Variants in UHRF2 observed in about 807,000 individuals in gnomAD.
UHRF2 encodes E3 ubiquitin-protein ligase UHRF2.
Under a neutral mutation model 96.8 loss-of-function variants are expected in UHRF2, and 23 were observed. That is an observed-to-expected ratio of 0.24 (90% CI 0.17 to 0.34). The LOEUF (loss-of-function observed/expected upper bound fraction) is 0.34. UHRF2 is among the 10% of genes least tolerant of loss of function. The pLI is 1.00. For synonymous variants in UHRF2, 385 were observed against 332.6 expected (o/e 1.16, Z -1.72); for missense variants, 685 against 981.5 (o/e 0.70, Z 4.04).
At chr9:6,449,760 A>G (rs185192609) in intron 3 of UHRF2, among the ~76,000 whole-genome samples, 1 of 152,340 alleles carries the variant, frequency 6.6e-6, no homozygotes, top group East Asian at 1.9e-4. Flanking sequence ...GGAGTCTGGA[A>G]TTCTGGTATG....
intron 3 of UHRF2, among the ~76,000 whole-genome samples, chr9:6,436,466 G>T (rs1435019394): frequency 5.3e-5 from 8 of 152,178 alleles, no homozygotes; most frequent in East Asian, 3.8e-4. Flanking sequence ...AGGTAAATAA[G>T]TAGAATGTTT....
intron 2 of UHRF2, chr9:6,422,782 C>A: frequency 7.2e-6 from 3 of 415,820 alleles, no homozygotes; most frequent in Non-Finnish European, 1.3e-5. Context: ...TAACTTAGAT[C>A]TTTGATATCT....
chr9:6,478,640 A>C (rs1226510984), intron 6 of UHRF2, among the ~76,000 whole-genome samples: 1 of 152,202 alleles, frequency 6.6e-6, no homozygotes, highest in Non-Finnish European at 1.5e-5. Flanking sequence ...TTTTTAAACT[A>C]TGTGCCATAT....
chr9:6,458,889 A>G (rs1467087354), intron 3 of UHRF2, among the ~76,000 whole-genome samples: 1 of 152,234 alleles, frequency 6.6e-6, no homozygotes, highest in Non-Finnish European at 1.5e-5. Context: ...ATGCAGCCAT[A>G]AAAAAGGATG....
chr9:6,481,829 A>G (rs1587856695), intron 7 of UHRF2, 63 bp downstream of exon 7: 2 of 1,569,016 alleles, frequency 1.3e-6, no homozygotes, highest in Admixed American at 1.9e-5. Context: ...TTTTAATACC[A>G]ATAGTAGTAA....
chr9:6,445,105 A>G (rs1333360211), intron 3 of UHRF2, among the ~76,000 whole-genome samples: 2 of 147,956 alleles, frequency 1.4e-5, no homozygotes, highest in African/African-American at 5.0e-5. Context: ...AGCTTGGACT[A>G]CATAGCAAAA....
chr9:6,439,453 G>A (rs1447525195), intron 3 of UHRF2, among the ~76,000 whole-genome samples: 1 of 152,204 alleles, frequency 6.6e-6, no homozygotes, highest in Non-Finnish European at 1.5e-5. Flanking sequence ...TTGAATTGTT[G>A]AAGGTTTCTT....
At chr9:6,419,138 G>T (rs914656911) in intron 1 of UHRF2, among the ~76,000 whole-genome samples, 4 of 152,182 alleles carry the variant, frequency 2.6e-5, no homozygotes, top group African/African-American at 9.7e-5. Context: ...ACATTCTGAG[G>T]TACTGGGGGT....
At chr9:6,461,950 T>G (rs1822568018) in intron 4 of UHRF2, among the ~76,000 whole-genome samples, 1 of 152,084 alleles carries the variant, frequency 6.6e-6, no homozygotes, top group Admixed American at 6.6e-5. Context: ...TAGATTTGTT[T>G]TATTGAGTGC....
intron 5 of UHRF2, 119 bp from the exon 6 acceptor site, chr9:6,477,503 G>A (rs545917931): frequency 1.7e-5 from 16 of 939,112 alleles, no homozygotes; most frequent in African/African-American, 1.7e-4. Context: ...TCCAGCCTGG[G>A]TAACAAGAGC....
At chr9:6,431,328 C>T (rs1325480298) in intron 2 of UHRF2, among the ~76,000 whole-genome samples, 3 of 151,614 alleles carry the variant, frequency 2.0e-5, no homozygotes, top group Non-Finnish European at 2.9e-5. Context: ...TTTTTTTTGG[C>T]CAGGCAGGGT....
chr9:6,441,939 C>G (rs1387385520), intron 3 of UHRF2, among the ~76,000 whole-genome samples: 1 of 151,946 alleles, frequency 6.6e-6, no homozygotes, highest in Non-Finnish European at 1.5e-5. Flanking sequence ...CTGTTAAATT[C>G]TTGAGTGGGG....
chr9:6,469,701 C>CATGTAT (rs1823108636), intron 4 of UHRF2, among the ~76,000 whole-genome samples: 1 of 148,572 alleles, frequency 6.7e-6, no homozygotes, highest in African/African-American at 2.5e-5. Context: ...CACGTATATA[C>CATGTAT]ATACATATAC....
chr9:6,470,871 AG>A (rs1414208314), intron 4 of UHRF2, among the ~76,000 whole-genome samples: 3 of 152,246 alleles, frequency 2.0e-5, no homozygotes, highest in Non-Finnish European at 2.9e-5. Context: ...TGTGACTAAA[AG>A]AAGCAGATAA....
intron 2 of UHRF2, among the ~76,000 whole-genome samples, chr9:6,421,343 A>G (rs1436498756): frequency 1.3e-5 from 2 of 152,264 alleles, no homozygotes; most frequent in Non-Finnish European, 2.9e-5. Context: ...TACAGTTTAA[A>G]GAGCAATAAA....
chr9:6,433,787 C>A (rs201964876), intron 2 of UHRF2, 127 bp from the exon 3 acceptor site: 1 of 896,826 alleles, frequency 1.1e-6, no homozygotes, highest in Non-Finnish European at 1.7e-6. Flanking sequence ...TCTTATTAAC[C>A]ACTTTAAACA....
At chr9:6,413,717 G>A in intron 1 of UHRF2, 74 bp downstream of exon 1, 2 of 1,370,952 alleles carry the variant, frequency 1.5e-6, no homozygotes, top group Non-Finnish European at 9.4e-7. Context: ...GCACCGGTCC[G>A]AGGGCTCTGT....
chr9:6,433,182 T>G (rs931063098), intron 2 of UHRF2, among the ~76,000 whole-genome samples: 2 of 152,208 alleles, frequency 1.3e-5, no homozygotes, highest in South Asian at 4.1e-4. Flanking sequence ...TTTTAAACCT[T>G]TCATTTCATA....
At chr9:6,471,633 C>T (rs1563784883) in intron 4 of UHRF2, among the ~76,000 whole-genome samples, 1 of 152,178 alleles carries the variant, frequency 6.6e-6, no homozygotes, top group Non-Finnish European at 1.5e-5. Context: ...TGAGACTGCA[C>T]CCCTGACCAA....
Sources: allele counts gnomAD v4.1 joint callset (sites outside exome capture counted in the v4.1 genomes callset), GRCh38; gene constraint gnomAD v4.1.1; transcripts MANE v1.5; gene names NCBI Gene and HGNC (gene_info 2026-07-23, HGNC 2026-07-21).